The following LHFPL4 variants were observed in gnomAD, a reference collection of about 807,000 sequenced individuals.
LHFPL4 encodes the protein LHFPL tetraspan subfamily member 4.
In LHFPL4, 6 loss-of-function variants were observed where a neutral mutation model predicts 20.0. The ratio of observed to expected loss-of-function variants is 0.30; its 90% CI spans 0.16 to 0.59. The LOEUF is 0.59. LHFPL4 is among the 20% of genes least tolerant of loss of function. The pLI, the probability that LHFPL4 is intolerant of heterozygous loss-of-function variation, is 0.88. For synonymous variants in LHFPL4, 129 were observed against 143.8 expected (o/e 0.90, Z 0.74); for missense variants, 215 against 331.2 (o/e 0.65, Z 2.72).
chr3:9,546,867 G>A (rs2046518163), intron 2 of LHFPL4, among the ~76,000 whole-genome samples: 1 of 152,164 alleles, frequency 6.6e-6, no homozygotes, highest in Non-Finnish European at 1.5e-5. Flanking sequence ...TCCAAAGCAG[G>A]TGCAATGATA....
rs978951445 is a variant in LHFPL4 at position 9,499,625 on chromosome 3, C to G, written c.*2586G>C. The stretch of plus-strand genomic sequence containing the variant: ...GGACCCACTACGTCCTCTGAAGTGG[C>G]TTCCTTCACTCCAGTTCTTCCCAAA... On this transcript the variant is annotated 3_prime_UTR_variant, in exon 4 of 4. Transcript: ENST00000287585. 2.6e-5 allele frequency: 4 copies of G among 152,554 alleles called. No individual in the cohort carries two copies. Among genetic ancestry groups the G allele is most frequent in the African/African-American group, 9.7e-5 (4 of 41,450 alleles). 9.5% of individuals were successfully genotyped at this position (152,554 alleles called of 1,614,324 possible). A position where few individuals can be genotyped will look rare whatever the true frequency, so the allele number is the denominator to read the frequency against.
rs750647424 is a variant in LHFPL4, at chr3:9,502,208, C to CT, written c.*2dup. 1 of 1,612,224 alleles carries CT rather than the reference C, an allele frequency of 6.2e-7. No homozygotes were observed. Among genetic ancestry groups the CT allele is most frequent in the Non-Finnish European group, 8.5e-7 (1 of 1,178,356 alleles). ...CCAATTACTGGGCTGTGATCCTGGC[C>CT]TTTCAGGGTCCCTGTGAGTGAGCCA... On this transcript the variant is annotated 3_prime_UTR_variant, in exon 4 of 4. Coordinates refer to ENST00000287585, the MANE Select transcript of LHFPL4 (RefSeq NM_198560.3).
intron 2 of LHFPL4, among the ~76,000 whole-genome samples, chr3:9,536,873 C>T (rs1282751963): frequency 2.0e-5 from 3 of 150,602 alleles, no homozygotes; most frequent in Non-Finnish European, 4.4e-5. Context: ...GAGCTGAGAT[C>T]GCGCCACTGC....
At chr3:9,513,569 A>G (rs749331413) in intron 2 of LHFPL4, among the ~76,000 whole-genome samples, 6 of 152,072 alleles carry the variant, frequency 3.9e-5, no homozygotes, top group Non-Finnish European at 8.8e-5. Context: ...CTGGCCTCAA[A>G]TGATCCTCCC....
intron 2 of LHFPL4, among the ~76,000 whole-genome samples, chr3:9,543,821 C>G (rs1418770264): frequency 6.8e-6 from 1 of 147,604 alleles, no homozygotes; most frequent in Non-Finnish European, 1.5e-5. Flanking sequence ...GCCTTGACCT[C>G]TCTGGGCTCA....
intron 2 of LHFPL4, among the ~76,000 whole-genome samples, chr3:9,515,832 A>T (rs2046296761): frequency 6.6e-6 from 1 of 150,950 alleles, no homozygotes; most frequent in African/African-American, 2.4e-5. Flanking sequence ...TCTCTGCCTC[A>T]GCCTCCCATG....
chr3:9,506,066 T>A lies in LHFPL4; in HGVS notation c.544A>T (p.Ile182Phe). 6.2e-7 allele frequency: 1 copy of A among 1,614,184 alleles called. No individual in the cohort carries two copies. Among genetic ancestry groups the A allele is most frequent in the Non-Finnish European group, 8.5e-7 (1 of 1,180,030 alleles). The stretch of plus-strand genomic sequence containing the variant: ...AGGATGAGGGCGTTGAGGATGCCGA[T>A]GATGGCCAGGATGTATGCCCAGCGC... ...SVRWAYILAI[I>F]GILNALILSF... is the part of the protein sequence containing the mutation. Residue 182 changes from isoleucine to phenylalanine, a missense_variant, in exon 3 of 4, where the codon ATC (isoleucine) becomes TTC (phenylalanine). Transcript: ENST00000287585. The surrounding 1 kb of genome is among the most constrained non-coding windows in gnomAD (Gnocchi z 4.5).
intron 2 of LHFPL4, among the ~76,000 whole-genome samples, chr3:9,535,058 G>T (rs913615997): frequency 1.6e-4 from 25 of 152,040 alleles, no homozygotes; most frequent in African/African-American, 6.0e-4. Flanking sequence ...ATCGATACAG[G>T]AATATAGCTC....
At chr3:9,537,400 C>A (rs1452787542) in intron 2 of LHFPL4, among the ~76,000 whole-genome samples, 3 of 152,182 alleles carry the variant, frequency 2.0e-5, no homozygotes, top group African/African-American at 7.2e-5. Context: ...TCTGGCATCA[C>A]AGATGACTTG....
chr3:9,533,834 G>T (rs1427859047), intron 2 of LHFPL4, among the ~76,000 whole-genome samples: 4 of 151,826 alleles, frequency 2.6e-5, no homozygotes, highest in Non-Finnish European at 4.4e-5. Context: ...AAGGGGGAAT[G>T]AGGTTTATGA....
At chr3:9,540,326 T>G (rs558473463) in intron 2 of LHFPL4, among the ~76,000 whole-genome samples, 1 of 152,312 alleles carries the variant, frequency 6.6e-6, no homozygotes, top group Non-Finnish European at 1.5e-5. Context: ...ACCAAATGTT[T>G]AGTATATTAC....
chr3:9,535,338 C>T (rs2046438559), intron 2 of LHFPL4, among the ~76,000 whole-genome samples: 2 of 152,144 alleles, frequency 1.3e-5, no homozygotes, highest in African/African-American at 4.8e-5. Flanking sequence ...CTTCTTTTTA[C>T]AGATGAGGAC....
intron 2 of LHFPL4, among the ~76,000 whole-genome samples, chr3:9,535,052 A>T (rs1263124575): frequency 2.0e-5 from 3 of 152,142 alleles, no homozygotes; most frequent in African/African-American, 7.2e-5. Context: ...TACTATATCG[A>T]TACAGGAATA....
intron 3 of LHFPL4, among the ~76,000 whole-genome samples, chr3:9,503,833 C>A (rs2046195891): frequency 6.6e-6 from 1 of 152,154 alleles, no homozygotes; most frequent in Admixed American, 6.5e-5. Context: ...CAAGACCAGC[C>A]TGGGCAACAT....
At chr3:9,544,237 T>C (rs760448974) in intron 2 of LHFPL4, among the ~76,000 whole-genome samples, 1 of 151,828 alleles carries the variant, frequency 6.6e-6, no homozygotes. Flanking sequence ...TTGTCTCTTG[T>C]ACATGTATTA....
rs1001845526 is a variant in LHFPL4 at position 9,499,903 on chromosome 3, A to G, written c.*2308T>C. 1 of 149,192 alleles carries G rather than the reference A, an allele frequency of 6.7e-6. No homozygotes were observed. Among genetic ancestry groups the G allele is most frequent in the Middle Eastern group, 3.2e-3 (1 of 310 alleles). The allele number at this position is 149,192 out of a possible 1,614,324, so 9.2% of individuals were successfully genotyped here. A position where few individuals can be genotyped will look rare whatever the true frequency, so the allele number is the denominator to read the frequency against. ...CCTCTGCATCCCATTCTTGCCCCCA[A>G]CCCACATCTCCATTTACCTCTTCCC... On this transcript the variant is annotated 3_prime_UTR_variant, in exon 4 of 4. Transcript: ENST00000287585.
At chr3:9,541,222 G>A (rs1045301823) in intron 2 of LHFPL4, among the ~76,000 whole-genome samples, 5 of 152,046 alleles carry the variant, frequency 3.3e-5, no homozygotes, top group Non-Finnish European at 5.9e-5. Flanking sequence ...GGTTACAGGC[G>A]TGAGCCACCG....
intron 2 of LHFPL4, among the ~76,000 whole-genome samples, chr3:9,525,330 A>G (rs1309626969): frequency 1.3e-5 from 2 of 152,168 alleles, no homozygotes; most frequent in Non-Finnish European, 2.9e-5. Context: ...GCAATTTGTC[A>G]ATTACAATTC....
At chr3:9,547,064 C>T (rs2046519837) in intron 2 of LHFPL4, among the ~76,000 whole-genome samples, 1 of 152,196 alleles carries the variant, frequency 6.6e-6, no homozygotes, top group South Asian at 2.1e-4. Flanking sequence ...TCATGGCTCA[C>T]TGCAGCCTCA....
Sources: allele counts gnomAD v4.1 joint callset (sites outside exome capture counted in the v4.1 genomes callset), GRCh38; gene constraint gnomAD v4.1.1; non-coding constraint Gnocchi (gnomAD v3.1); transcripts MANE v1.5; gene names NCBI Gene and HGNC (gene_info 2026-07-23, HGNC 2026-07-21).